SMURF2: variants seen among roughly 807,000 people sequenced by gnomAD.
SMURF2 encodes SMAD specific E3 ubiquitin protein ligase 2, also known as E3 ubiquitin-protein ligase SMURF2.
Under a neutral mutation model 109.6 loss-of-function variants are expected in SMURF2, and 48 were observed. The observed-to-expected ratio is 0.44, with a 90% CI of 0.35 to 0.56. The LOEUF (loss-of-function observed/expected upper bound fraction) is 0.56, where lower values mean the gene tolerates loss of function less well. SMURF2 is among the 20% of genes least tolerant of loss of function. SMURF2 has a pLI of 0.01. For synonymous variants in SMURF2, 288 were observed against 317.1 expected (o/e 0.91, Z 0.97); for missense variants, 575 against 909.0 (o/e 0.63, Z 4.72).
intron 1 of SMURF2, among the ~76,000 whole-genome samples, chr17:64,648,386 T>C (rs574621656): frequency 6.0e-4 from 91 of 152,286 alleles, no homozygotes; most frequent in African/African-American, 1.7e-3. Context: ...ATTACTAAGG[T>C]ATAAATGTTA....
At chr17:64,646,321 C>T (rs1475438217) in intron 1 of SMURF2, among the ~76,000 whole-genome samples, 1 of 151,822 alleles carries the variant, frequency 6.6e-6, no homozygotes, top group African/African-American at 2.4e-5. Flanking sequence ...CCGCCTCAGC[C>T]TCCCAAAGTG....
At chr17:64,562,285 CAAAAA>C (rs782461489) in intron 11 of SMURF2, among the ~76,000 whole-genome samples, 1,186 of 18,542 alleles carry the variant, frequency 0.064, 1 homozygote, top group Middle Eastern at 0.14. Context: ...GACTCCGTCT[CAAAAA>C]AAAAAAAAAA....
chr17:64,589,515 T>G (rs1969720070), intron 5 of SMURF2, among the ~76,000 whole-genome samples: 3 of 151,928 alleles, frequency 2.0e-5, no homozygotes, highest in South Asian at 4.2e-4. Flanking sequence ...GTCCAGGGTC[T>G]GTTAGGAACC....
intron 9 of SMURF2, among the ~76,000 whole-genome samples, chr17:64,576,966 C>T (rs1189371863): frequency 3.4e-5 from 5 of 148,004 alleles, no homozygotes; most frequent in African/African-American, 1.0e-4. Context: ...CTGCAACTTC[C>T]GCCTCCCACT....
At chr17:64,551,846 C>A in intron 15 of SMURF2, 142 bp from the exon 16 acceptor site, 1 of 1,043,764 alleles carries the variant, frequency 9.6e-7, no homozygotes, top group Admixed American at 2.4e-5. Flanking sequence ...CAATAAATCT[C>A]AGACTAATGG....
chr17:64,644,016 G>C (rs1970523813), intron 1 of SMURF2, among the ~76,000 whole-genome samples: 1 of 151,822 alleles, frequency 6.6e-6, no homozygotes, highest in Admixed American at 6.6e-5. Flanking sequence ...AGTGGAGATG[G>C]GGTTTCACCA....
intron 15 of SMURF2, 54 bp from the exon 16 acceptor site, chr17:64,551,758 A>C: frequency 6.2e-7 from 1 of 1,600,966 alleles, no homozygotes; most frequent in Non-Finnish European, 8.5e-7. Flanking sequence ...AGATCTGGTA[A>C]TTATTATTAT....
chr17:64,660,971 A>G (rs1483810440), intron 1 of SMURF2: 3 of 151,968 alleles, frequency 2.0e-5, no homozygotes, highest in Admixed American at 6.6e-5. Context: ...CTATCTGGCA[A>G]CCCCTCCGGA....
intron 16 of SMURF2, 102 bp downstream of exon 16, chr17:64,551,482 T>C (rs1969045327): frequency 1.5e-6 from 2 of 1,309,518 alleles, no homozygotes; most frequent in South Asian, 2.8e-5. Flanking sequence ...ACCATGAAAC[T>C]TAGAAAGCAC....
chr17:64,628,139 C>A (rs1970292005), intron 1 of SMURF2, among the ~76,000 whole-genome samples: 1 of 152,184 alleles, frequency 6.6e-6, no homozygotes, highest in African/African-American at 2.4e-5. Flanking sequence ...GTTTGTTCTG[C>A]TGTCTCGCAA....
Position 64,555,000 on chromosome 17 carries a change from A to G in SMURF2, c.1611-7T>C. ...ACCTGTAATATCATTCTCACTGGAT[A>G]GGAAAGAGGAAAAGATATGTAACTG... is the stretch of plus-strand genomic sequence containing the variant. On this transcript the variant is annotated splice_polypyrimidine_tract_variant and splice_region_variant and intron_variant, in intron 14 of 18. Coordinates refer to ENST00000262435, the MANE Select transcript of SMURF2 (RefSeq NM_022739.4). The G allele has an allele frequency of 6.2e-7, 1 of 1,609,818 alleles. No homozygotes were observed. Among genetic ancestry groups the G allele is most frequent in the Non-Finnish European group, 8.5e-7 (1 of 1,178,356 alleles).
At chr17:64,569,356 A>G (rs1351593336) in intron 10 of SMURF2, among the ~76,000 whole-genome samples, 2 of 152,166 alleles carry the variant, frequency 1.3e-5, no homozygotes, top group African/African-American at 4.8e-5. Flanking sequence ...AAGACTTTAC[A>G]GTAAAAGACA....
chr17:64,645,153 A>G (rs1378509656), intron 1 of SMURF2, among the ~76,000 whole-genome samples: 1 of 152,200 alleles, frequency 6.6e-6, no homozygotes, highest in Admixed American at 6.5e-5. Flanking sequence ...AGAAAAGACA[A>G]GGAGTTCAGA....
intron 13 of SMURF2, among the ~76,000 whole-genome samples, chr17:64,557,186 T>G (rs559300450): frequency 6.6e-6 from 1 of 152,314 alleles, no homozygotes; most frequent in East Asian, 1.9e-4. Flanking sequence ...TCATAACCCC[T>G]CTTTGAGGTA....
At chr17:64,606,726 G>C in intron 1 of SMURF2, 86 bp from the exon 2 acceptor site, 2 of 973,868 alleles carry the variant, frequency 2.1e-6, no homozygotes, top group East Asian at 2.7e-5. Flanking sequence ...GAAAACAGCA[G>C]TGAATAGTTA....
rs1970794120 is a variant in SMURF2, at chr17:64,662,220, G to C, written c.-340C>G. On this transcript the variant is annotated 5_prime_UTR_variant, in exon 1 of 19. Transcript: ENST00000262435. ...CTCGGCGAGGCCCAGTAGCCGACGGGGCTGGTCGGCTGAAGCGGGCGGTGC... is the reference window on the plus strand; with the variant it reads ...CTCGGCGAGGCCCAGTAGCCGACGGCGCTGGTCGGCTGAAGCGGGCGGTGC... The C allele has an allele frequency of 1.0e-6, 1 of 983,162 alleles. No homozygotes were observed. Among genetic ancestry groups the C allele is most frequent in the Non-Finnish European group, 1.2e-6 (1 of 829,094 alleles). The allele number at this position is 983,162 out of a possible 1,614,324, so 60.9% of individuals were successfully genotyped here.
At chr17:64,651,499 G>T (rs559203719) in intron 1 of SMURF2, among the ~76,000 whole-genome samples, 1 of 151,262 alleles carries the variant, frequency 6.6e-6, no homozygotes, top group South Asian at 2.1e-4. Flanking sequence ...TTGAACCCAG[G>T]AGGTGGAGGT....
intron 9 of SMURF2, among the ~76,000 whole-genome samples, chr17:64,575,802 C>A (rs1426332083): frequency 6.6e-6 from 1 of 151,870 alleles, no homozygotes; most frequent in African/African-American, 2.4e-5. Flanking sequence ...TCCTACAAAT[C>A]CTTTGTATGT....
At chr17:64,552,316 T>C (rs1174797976) in intron 15 of SMURF2, among the ~76,000 whole-genome samples, 1 of 152,224 alleles carries the variant, frequency 6.6e-6, no homozygotes, top group Non-Finnish European at 1.5e-5. Context: ...ATTGTGTGAA[T>C]GTACGATTTA....
Sources: allele counts gnomAD v4.1 joint callset (sites outside exome capture counted in the v4.1 genomes callset), GRCh38; gene constraint gnomAD v4.1.1; transcripts MANE v1.5; gene names NCBI Gene and HGNC (gene_info 2026-07-23, HGNC 2026-07-21).